Variants in SCGN observed in about 807,000 individuals in gnomAD.
SCGN encodes secretagogin, EF-hand calcium binding protein.
Under a neutral mutation model 39.7 loss-of-function variants are expected in SCGN, and 30 were observed. The observed-to-expected ratio is 0.76, with a 90% CI of 0.57 to 1.03. The LOEUF is 1.03. Among genes scored for constraint, SCGN ranks in the 50% least tolerant of loss-of-function variants. The pLI is 0.00. For synonymous variants in SCGN, 106 were observed against 114.1 expected, an observed-to-expected ratio of 0.93 and a Z score of 0.45; for missense variants, 353 against 349.4, an observed-to-expected ratio of 1.01 and a Z score of -0.08.
intron 7 of SCGN, among the ~76,000 whole-genome samples, chr6:25,688,801 C>CAAA (rs10626691): frequency 2.1e-4 from 22 of 103,128 alleles, no homozygotes; most frequent in East Asian, 6.8e-4. Context: ...GATTCTGTCT[C>CAAA]AAAAAAAAAA....
Position 25,670,025 on chromosome 6 carries a change from C to T in SCGN, c.420C>T (p.His140=), listed in dbSNP as rs200248276. The change falls in exon 6 of 11, where the codon CAC becomes CAT. Residue 140 remains histidine, a synonymous_variant. Coordinates refer to ENST00000377961, the MANE Select transcript of SCGN (RefSeq NM_006998.4). ...ACTTCCTCCGAGACCTCTTTCTTCA[C>T]CACAAAAAGGCCATTTCTGAGGCTA... ...LRNFLRDLFL[H]HKKAISEAKL... is the part of the protein sequence containing the mutation. 3.1e-6 allele frequency: 5 copies of T among 1,613,662 alleles called. No homozygotes were observed. Among genetic ancestry groups the T allele is most frequent in the African/African-American group, 2.7e-5 (2 of 74,858 alleles).
intron 7 of SCGN, among the ~76,000 whole-genome samples, chr6:25,687,382 G>T (rs1433277844): frequency 6.6e-6 from 1 of 151,870 alleles, no homozygotes; most frequent in East Asian, 1.9e-4. Context: ...TGTAGTTTTC[G>T]GTCTACAAAC....
intron 3 of SCGN, among the ~76,000 whole-genome samples, chr6:25,664,634 G>C (rs1385615246): frequency 6.6e-6 from 1 of 152,102 alleles, no homozygotes; most frequent in Non-Finnish European, 1.5e-5. Flanking sequence ...ATAGTGCCTG[G>C]AACATATCAA....
chr6:25,666,430 T>C (rs1435786715), intron 4 of SCGN, among the ~76,000 whole-genome samples: 1 of 152,204 alleles, frequency 6.6e-6, no homozygotes, highest in East Asian at 1.9e-4. Context: ...AAGTTTTCTG[T>C]ACAATGATGT....
chr6:25,682,114 A>G, intron 7 of SCGN, 108 bp downstream of exon 7: 1 of 774,880 alleles, frequency 1.3e-6, no homozygotes, highest in South Asian at 1.6e-5. Flanking sequence ...CCTGGAGTCT[A>G]AAAGAATAGG....
At position 25,652,359 on chromosome 6, in the gene SCGN, G is replaced by T; in HGVS notation, c.-45G>T. 2 of 1,522,616 alleles carry T rather than the reference G, an allele frequency of 1.3e-6. No homozygotes were observed. Among genetic ancestry groups the T allele is most frequent in the South Asian group, 2.2e-5 (2 of 89,092 alleles). The allele number at this position is 1,522,616 out of a possible 1,614,324, so 94.3% of individuals were successfully genotyped here. A position where few individuals can be genotyped will look rare whatever the true frequency, so the allele number is the denominator to read the frequency against. ...CGGTGAAGGAGTCCTTCCCAAAGTT[G>T]TCTAGGTCCTTCCGCGCCGGTGCCT... On this transcript the variant is annotated 5_prime_UTR_variant, in exon 1 of 11. Coordinates refer to ENST00000377961, the MANE Select transcript of SCGN (RefSeq NM_006998.4).
At chr6:25,696,017 A>C (rs1252185725) in intron 10 of SCGN, among the ~76,000 whole-genome samples, 1 of 152,204 alleles carries the variant, frequency 6.6e-6, no homozygotes, top group Non-Finnish European at 1.5e-5. Context: ...GTTCCTGCCC[A>C]CAGTCCTCCC....
Position 25,686,838 on chromosome 6 carries a change from G to A in SCGN, c.528-2334G>A, listed in dbSNP as rs1490443464. 2.6e-5 allele frequency among the ~76,000 whole-genome samples: 4 copies of A among 152,002 alleles called. 1 individual carries two copies. Among genetic ancestry groups the A allele is most frequent in the Admixed American group, 2.6e-4 (4 of 15,272 alleles). On this transcript the variant is annotated intron_variant, in intron 7 of 10. Coordinates refer to ENST00000377961, the MANE Select transcript of SCGN (RefSeq NM_006998.4). ...GAGTTATATAAACTATAAAGTTTCTGTTTTATGTAAATCCTTTTCATGTTA... is the reference window on the plus strand; with the variant it reads ...GAGTTATATAAACTATAAAGTTTCTATTTTATGTAAATCCTTTTCATGTTA...
chr6:25,686,641 G>C (rs751055544), intron 7 of SCGN, among the ~76,000 whole-genome samples: 15 of 152,054 alleles, frequency 9.9e-5, no homozygotes, highest in Non-Finnish European at 1.6e-4. Flanking sequence ...TTTCCATTAT[G>C]AGAGTCGTGT....
chr6:25,682,610 G>A (rs1759651903), intron 7 of SCGN, among the ~76,000 whole-genome samples: 1 of 152,210 alleles, frequency 6.6e-6, no homozygotes, highest in African/African-American at 2.4e-5. Flanking sequence ...ACAAAAAAGA[G>A]AAAGACATTC....
At chr6:25,677,049 C>CCTCCCTG (rs1376560490) in intron 6 of SCGN, among the ~76,000 whole-genome samples, 4 of 151,978 alleles carry the variant, frequency 2.6e-5, no homozygotes, top group Non-Finnish European at 5.9e-5. Flanking sequence ...CACCTCTTGT[C>CCTCCCTG]CTCCCTGGTC....
intron 6 of SCGN, among the ~76,000 whole-genome samples, chr6:25,678,313 G>A (rs950052131): frequency 6.6e-6 from 1 of 152,050 alleles, no homozygotes; most frequent in African/African-American, 2.4e-5. Context: ...ATCTTCAACT[G>A]CCACAGCCCT....
At chr6:25,687,562 G>A (rs1188400415) in intron 7 of SCGN, among the ~76,000 whole-genome samples, 1 of 151,958 alleles carries the variant, frequency 6.6e-6, no homozygotes, top group African/African-American at 2.4e-5. Context: ...TTGTGTATTA[G>A]CTCTAGTAGT....
chr6:25,694,980 T>C (rs1759820636), intron 10 of SCGN, among the ~76,000 whole-genome samples: 1 of 152,246 alleles, frequency 6.6e-6, no homozygotes, highest in African/African-American at 2.4e-5. Context: ...AGCAGGAAGC[T>C]GGCCCAGTTA....
Position 25,701,418 on chromosome 6 carries a change from C to T in SCGN, c.*83C>T. The T allele has an allele frequency of 6.6e-7, 1 of 1,517,546 alleles. No homozygotes were observed. The highest frequency in any genetic ancestry group is 8.9e-7 in the Non-Finnish European group (1 of 1,121,706). 94.0% of individuals were successfully genotyped at this position (1,517,546 alleles called of 1,614,324 possible). On this transcript the variant is annotated 3_prime_UTR_variant, in exon 11 of 11. Transcript: ENST00000377961. ...TGTATCTGTGCATTGATGTTGGGAACACAGTGGGCAAACTCACAAATGGTG... is the reference window on the plus strand; with the variant it reads ...TGTATCTGTGCATTGATGTTGGGAATACAGTGGGCAAACTCACAAATGGTG...
chr6:25,682,352 C>T (rs916617515), intron 7 of SCGN, among the ~76,000 whole-genome samples: 18 of 147,260 alleles, frequency 1.2e-4, no homozygotes, highest in Non-Finnish European at 1.0e-4. Flanking sequence ...CTGGGAACGT[C>T]GAGCAGTTAT....
intron 1 of SCGN, 84 bp from the exon 2 acceptor site, chr6:25,653,298 G>A (rs1701781350): frequency 5.2e-6 from 5 of 963,740 alleles, no homozygotes; most frequent in Admixed American, 4.5e-5. Flanking sequence ...TTTATGAATT[G>A]TGAGATTAAA....
chr6:25,666,355 C>CA (rs964863159), intron 4 of SCGN, among the ~76,000 whole-genome samples: 93 of 147,652 alleles, frequency 6.3e-4, no homozygotes, highest in African/African-American at 1.6e-3. Flanking sequence ...AACTCGGTCT[C>CA]AAAAAAAAAC....
At chr6:25,658,742 C>A (rs1432403545) in intron 2 of SCGN, among the ~76,000 whole-genome samples, 1 of 152,144 alleles carries the variant, frequency 6.6e-6, no homozygotes, top group Non-Finnish European at 1.5e-5. Flanking sequence ...ACCATTAATT[C>A]ATTAACCTCT....
Sources: allele counts gnomAD v4.1 joint callset (sites outside exome capture counted in the v4.1 genomes callset), GRCh38; gene constraint gnomAD v4.1.1; transcripts MANE v1.5; gene names NCBI Gene and HGNC (gene_info 2026-07-23, HGNC 2026-07-21).